The following CHRM3 variants were observed in gnomAD, a reference collection of about 807,000 sequenced individuals.
CHRM3 encodes the protein muscarinic acetylcholine receptor M3.
A neutral mutation model predicts 41.8 loss-of-function variants in CHRM3; 11 were observed. The observed-to-expected ratio is 0.26, with a 90% CI of 0.17 to 0.44. The LOEUF is 0.44. Ranked by LOEUF, CHRM3 falls within the 20% of genes least tolerant of loss-of-function variation. The pLI, the probability that CHRM3 is intolerant of heterozygous loss-of-function variation, is 1.00. For synonymous variants in CHRM3, 297 were observed against 301.4 expected, an observed-to-expected ratio of 0.99 and a Z score of 0.15; for missense variants, 571 against 745.4, an observed-to-expected ratio of 0.77 and a Z score of 2.72.
chr1:239,842,509 A>T (rs146103464), intron 6 of CHRM3, among the ~76,000 whole-genome samples: 4,187 of 152,286 alleles, frequency 0.027, 183 homozygotes, highest in African/African-American at 0.096. Flanking sequence ...TGTTGGGATT[A>T]CAGGAGTGAG....
rs573554240 is a variant in CHRM3, at chr1:239,733,303, A to G, written c.-147+55015A>G. On this transcript the variant is annotated intron_variant, in intron 5 of 6. Transcript: ENST00000676153. Reference sequence around the variant, plus strand: ...TCCAGCATCTGGAGAGCTCCCCCAAAGTACGCATAGTTGAAAGAGGGGGAA... The same window carrying G: ...TCCAGCATCTGGAGAGCTCCCCCAAGGTACGCATAGTTGAAAGAGGGGGAA... 2.6e-5 allele frequency among the ~76,000 whole-genome samples: 4 copies of G among 152,186 alleles called. No homozygotes were observed. The East Asian group carries it at 7.8e-4, about 30-fold the overall frequency.
rs536858363 is a variant in CHRM3, at chr1:239,469,732, C to A, written c.-520-22977C>A. The stretch of plus-strand genomic sequence containing the variant: ...CCATCACGCCCAGCTAATTTTTGTA[C>A]TTTTAGTAGAGAGGTGGTTTCACCA... On this transcript the variant is annotated intron_variant, in intron 1 of 6. Coordinates refer to ENST00000676153, the MANE Select transcript of CHRM3 (RefSeq NM_001375978.1). Among the ~76,000 whole-genome samples, 8 of 151,998 alleles carry A rather than the reference C, an allele frequency of 5.3e-5. No homozygotes were observed. The South Asian group carries it at 8.3e-4, about 16-fold the overall frequency.
intron 5 of CHRM3, among the ~76,000 whole-genome samples, chr1:239,775,934 G>A (rs1253902844): frequency 6.6e-6 from 1 of 152,164 alleles, no homozygotes; most frequent in East Asian, 1.9e-4. Flanking sequence ...TTTGATTATA[G>A]TGTAACATTG....
intron 5 of CHRM3, among the ~76,000 whole-genome samples, chr1:239,788,323 A>G (rs548455605): frequency 1.3e-5 from 2 of 152,212 alleles, no homozygotes; most frequent in Non-Finnish European, 2.9e-5. Flanking sequence ...TAATATTGAG[A>G]AAGCAGACAA....
chr1:239,847,831 C>T (rs1296598030), intron 6 of CHRM3, among the ~76,000 whole-genome samples: 1 of 152,024 alleles, frequency 6.6e-6, no homozygotes, highest in Non-Finnish European at 1.5e-5. Flanking sequence ...GAGAGGATTG[C>T]TTGAGCCCGG....
intron 1 of CHRM3, among the ~76,000 whole-genome samples, chr1:239,418,054 A>C (rs769582989): frequency 7.9e-5 from 12 of 152,220 alleles, no homozygotes; most frequent in Non-Finnish European, 1.6e-4. Flanking sequence ...GTTTGCTAAA[A>C]TGTATATACA....
intron 5 of CHRM3, chr1:239,704,491 C>A (rs1660961307): frequency 6.6e-6 from 1 of 152,076 alleles, no homozygotes. Flanking sequence ...AATATATGTA[C>A]ATTTTAGTTT....
intron 5 of CHRM3, among the ~76,000 whole-genome samples, chr1:239,718,191 C>A (rs183698166): frequency 9.9e-5 from 15 of 152,098 alleles, no homozygotes; most frequent in African/African-American, 3.6e-4. Context: ...ACATGACAAG[C>A]GGTTCATTGA....
intron 3 of CHRM3, among the ~76,000 whole-genome samples, chr1:239,599,949 C>A (rs911869017): frequency 1.3e-5 from 2 of 152,084 alleles, no homozygotes; most frequent in Admixed American, 1.3e-4. Flanking sequence ...TCTATATAGA[C>A]CCACTTGACT....
intron 3 of CHRM3, among the ~76,000 whole-genome samples, chr1:239,618,351 C>T (rs1412286946): frequency 7.1e-6 from 1 of 140,998 alleles, no homozygotes; most frequent in African/African-American, 2.7e-5. Context: ...ATGGGAAATG[C>T]AAGCTTAGAG....
rs61834847 is a variant in CHRM3 at position 239,748,717 on chromosome 1, A to G, written c.-147+70429A>G. ...ACTGGATGGATTTAATTCACTTGAT[A>G]AACATAGTTAACCCTTAAATACCAA... On this transcript the variant is annotated intron_variant, in intron 5 of 6. Transcript: ENST00000676153. The surrounding 1 kb of genome is among the most constrained non-coding windows in gnomAD (Gnocchi z 4.3). Among the ~76,000 whole-genome samples, 6,281 of 152,356 alleles carry G rather than the reference A, an allele frequency of 0.041. 213 individuals carry two copies. Among genetic ancestry groups the G allele is most frequent in the African/African-American group, 0.082 (3,394 of 41,570 alleles).
intron 1 of CHRM3, among the ~76,000 whole-genome samples, chr1:239,421,395 C>T (rs923896294): frequency 6.6e-6 from 1 of 152,200 alleles, no homozygotes; most frequent in South Asian, 2.1e-4. Context: ...GAGGCACTGA[C>T]CTTTCCATTA....
chr1:239,389,492 C>A (rs1658830935), intron 1 of CHRM3, among the ~76,000 whole-genome samples: 2 of 152,016 alleles, frequency 1.3e-5, no homozygotes, highest in Admixed American at 1.3e-4. Context: ...AATTTCTTAA[C>A]AAAGAAAATT....
chr1:239,905,844 G>C (rs1304496908), intron 6 of CHRM3, among the ~76,000 whole-genome samples: 2 of 152,156 alleles, frequency 1.3e-5, no homozygotes, highest in African/African-American at 2.4e-5. Context: ...AAAGCAAAGA[G>C]AGCTCATTGT....
At chr1:239,681,356 G>A (rs1367330356) in intron 5 of CHRM3, among the ~76,000 whole-genome samples, 2 of 152,124 alleles carry the variant, frequency 1.3e-5, no homozygotes, top group African/African-American at 4.8e-5. Flanking sequence ...TTTTAATTGG[G>A]ATTTATAAAG....
At chr1:239,432,498 A>G (rs1321873539) in intron 1 of CHRM3, among the ~76,000 whole-genome samples, 4 of 152,142 alleles carry the variant, frequency 2.6e-5, no homozygotes, top group Non-Finnish European at 5.9e-5. Flanking sequence ...AATGGGGAAA[A>G]TGCTTTATAT....
At chr1:239,592,644 T>A (rs772397509) in intron 3 of CHRM3, among the ~76,000 whole-genome samples, 6 of 152,168 alleles carry the variant, frequency 3.9e-5, no homozygotes, top group Non-Finnish European at 1.5e-5. Flanking sequence ...TTTTTTTATA[T>A]CACCAAATAA....
intron 3 of CHRM3, among the ~76,000 whole-genome samples, chr1:239,611,564 G>A (rs574504290): frequency 5.3e-4 from 81 of 151,878 alleles, no homozygotes; most frequent in Admixed American, 5.3e-4. Context: ...GGGATTACAG[G>A]CATGCGTCAC....
At chr1:239,434,422 ACTCTCT>A (rs959159981) in intron 1 of CHRM3, among the ~76,000 whole-genome samples, 2 of 151,844 alleles carry the variant, frequency 1.3e-5, no homozygotes. Context: ...ATTTCCCAAG[ACTCTCT>A]CTCTATCTAT....
Sources: gnomAD v4.1 joint callset for allele counts (sites outside exome capture counted in the v4.1 genomes callset) on GRCh38, gnomAD v4.1.1 for gene constraint, Gnocchi (gnomAD v3.1) non-coding constraint, MANE v1.5 for transcripts, NCBI Gene and HGNC (gene_info 2026-07-23, HGNC 2026-07-21) for gene names.